PKIB: variants seen among roughly 807,000 people sequenced by gnomAD.
The protein encoded by PKIB is PKI-beta.
Under a neutral mutation model 4.5 loss-of-function variants are expected in PKIB, and 2 were observed. The ratio of observed to expected loss-of-function variants is 0.44; its 90% CI spans 0.18 to 1.39. The LOEUF (loss-of-function observed/expected upper bound fraction) is 1.39. Ranked by LOEUF, PKIB falls within the 40% of genes most tolerant of loss-of-function variation. PKIB has a pLI of 0.27. For missense variants in PKIB, 94 were observed against 92.6 expected (o/e 1.02, Z -0.06); for synonymous variants, 38 against 36.0 (o/e 1.06, Z -0.20).
rs775556782 is a variant in PKIB at position 122,717,972 on chromosome 6, C to A, written c.169+9C>A. On this transcript the variant is annotated intron_variant, in intron 4 of 4. Transcript: ENST00000368452. ...TCTCTCCGTGAAGGAAGGTAATACTCAAAATCCTCTTACAATTAACAGCAC... is the reference window on the plus strand; with the variant it reads ...TCTCTCCGTGAAGGAAGGTAATACTAAAAATCCTCTTACAATTAACAGCAC... The A allele has an allele frequency of 3.1e-6, 5 of 1,608,222 alleles. No individual in the cohort carries two copies. Among genetic ancestry groups the A allele is most frequent in the African/African-American group, 2.7e-5 (2 of 74,814 alleles).
chr6:122,653,612 T>A (rs1446648035), intron 2 of PKIB, among the ~76,000 whole-genome samples: 3 of 151,390 alleles, frequency 2.0e-5, no homozygotes, highest in African/African-American at 7.3e-5. Flanking sequence ...ACTCAATGCA[T>A]TTTCTTTAAT....
intron 2 of PKIB, among the ~76,000 whole-genome samples, chr6:122,647,271 G>A (rs1776359746): frequency 6.6e-6 from 1 of 152,134 alleles, no homozygotes; most frequent in African/African-American, 2.4e-5. Context: ...AAGATATTGA[G>A]GATAATCTTC....
chr6:122,717,229 G>A (rs1335305691), intron 3 of PKIB, among the ~76,000 whole-genome samples: 1 of 151,976 alleles, frequency 6.6e-6, no homozygotes. Flanking sequence ...CCATTACCAT[G>A]AGTCTATCGA....
chr6:122,639,952 A>G (rs1420267590), intron 2 of PKIB, among the ~76,000 whole-genome samples: 2 of 152,140 alleles, frequency 1.3e-5, no homozygotes, highest in African/African-American at 2.4e-5. Context: ...AGACAATACA[A>G]TAAGGGACTA....
Position 122,699,281 on chromosome 6 carries a change from T to TAAAA in PKIB, c.-8-18505_-8-18502dup, listed in dbSNP as rs58796900. Among the ~76,000 whole-genome samples, 606 of 150,542 alleles carry TAAAA rather than the reference T, an allele frequency of 4.0e-3. 14 individuals are homozygous for TAAAA. In the East Asian group the frequency reaches 0.051, roughly 13 times the overall value. The stretch of plus-strand genomic sequence containing the variant: ...AAAAAAAAGAATTGCATTTGTGAAC[T>TAAAA]AAAATATATATATATATATTGTGTC... On this transcript the variant is annotated intron_variant, in intron 3 of 4. Transcript: ENST00000368452.
In PKIB at chr6:122,717,870, C is replaced by T. The variant is rs767511320; in HGVS notation, c.76C>T (p.Arg26Cys). The change falls in exon 4 of 5, where the codon CGC becomes TGC. Residue 26 changes from arginine to cysteine, a missense_variant. Physicochemically the swap from Arg to Cys is radical, Grantham distance 180. Coordinates refer to ENST00000368452, the MANE Select transcript of PKIB (RefSeq NM_181795.3). ...TTTTGCATCTTCAGCAAGGGCAGGC[C>T]GCCGGAATGCCTTACCAGACATCCA... is the stretch of plus-strand genomic sequence containing the variant. ...ANFASSARAG[R>C]RNALPDIQSS... 9 of 1,613,932 alleles carry T rather than the reference C, an allele frequency of 5.6e-6. No individual in the cohort carries two copies. The highest frequency in any genetic ancestry group is 3.3e-5 in the South Asian group (3 of 91,086).
chr6:122,671,938 C>G (rs1003857181), intron 2 of PKIB, among the ~76,000 whole-genome samples: 1 of 151,918 alleles, frequency 6.6e-6, no homozygotes, highest in African/African-American at 2.4e-5. Flanking sequence ...TTTACCAAAC[C>G]CTAGTACCAA....
chr6:122,672,730 A>G (rs187144490), intron 2 of PKIB, among the ~76,000 whole-genome samples: 158 of 151,750 alleles, frequency 1.0e-3, no homozygotes, highest in Middle Eastern at 6.8e-3. Context: ...ATATATAATA[A>G]TAATATAGCA....
intron 2 of PKIB, among the ~76,000 whole-genome samples, chr6:122,574,721 C>T (rs1582708029): frequency 6.6e-6 from 1 of 152,080 alleles, no homozygotes; most frequent in Admixed American, 6.6e-5. Flanking sequence ...ACTAGATCCT[C>T]ATCTCTCACC....
At chr6:122,510,666 G>A (rs1776557334) in intron 2 of PKIB, among the ~76,000 whole-genome samples, 2 of 152,090 alleles carry the variant, frequency 1.3e-5, no homozygotes, top group Non-Finnish European at 2.9e-5. Context: ...AAATACTGGG[G>A]AATTTCAAGG....
chr6:122,517,453 TTC>T (rs1163650730), intron 2 of PKIB, among the ~76,000 whole-genome samples: 1 of 152,220 alleles, frequency 6.6e-6, no homozygotes, highest in Non-Finnish European at 1.5e-5. Context: ...CACCTTTGCC[TTC>T]TAAAAAGATG....
At chr6:122,478,149 T>A (rs1775500465) in intron 2 of PKIB, 1 of 152,018 alleles carries the variant, frequency 6.6e-6, no homozygotes, top group Non-Finnish European at 1.5e-5. Flanking sequence ...CCATTATTGC[T>A]TATGGGTCTG....
intron 2 of PKIB, among the ~76,000 whole-genome samples, chr6:122,511,201 G>GT (rs904484604): frequency 1.3e-5 from 2 of 152,038 alleles, no homozygotes; most frequent in Non-Finnish European, 2.9e-5. Context: ...TTTTCTATTT[G>GT]TTTTTTAAGG....
In PKIB at chr6:122,626,058, G is replaced by T. The variant is rs184622991; in HGVS notation, c.-160-7225G>T. On this transcript the variant is annotated intron_variant, in intron 1 of 4. Coordinates refer to ENST00000368452, the MANE Select transcript of PKIB (RefSeq NM_181795.3). The stretch of plus-strand genomic sequence containing the variant: ...CACTTCAGCCTGGGTGACAGAGAGA[G>T]ATCCAATTTCAAAATATAGATAGAT... Among the ~76,000 whole-genome samples, 13 of 149,642 alleles carry T rather than the reference G, an allele frequency of 8.7e-5. No individual in the cohort carries two copies. In the East Asian group the frequency reaches 1.8e-3, roughly 21 times the overall value.
At chr6:122,539,043 C>T (rs1181706150) in intron 2 of PKIB, among the ~76,000 whole-genome samples, 1 of 152,056 alleles carries the variant, frequency 6.6e-6, no homozygotes. Context: ...TATCCTGAGA[C>T]TTTGCTGAAG....
chr6:122,577,261 C>T (rs1405395111), intron 2 of PKIB, among the ~76,000 whole-genome samples: 1 of 152,108 alleles, frequency 6.6e-6, no homozygotes, highest in Non-Finnish European at 1.5e-5. Flanking sequence ...ACCTGACCTA[C>T]ATTACTTTTA....
chr6:122,723,016 G>A lies in PKIB; in HGVS notation c.170-2112G>A, dbSNP rs1181290837. On this transcript the variant is annotated intron_variant, in intron 4 of 4. Coordinates refer to ENST00000368452, the MANE Select transcript of PKIB (RefSeq NM_181795.3). ...GATGATTGTCACTCTTTCCTGTAAC[G>A]TTTCTCTTCCCTTGGCTTTCCGGAC... Among the ~76,000 whole-genome samples the A allele has an allele frequency of 5.3e-5, 8 of 152,066 alleles. No homozygotes were observed. In the South Asian group the frequency reaches 6.2e-4, roughly 12 times the overall value.
At chr6:122,540,657 G>T (rs2114635291) in intron 2 of PKIB, among the ~76,000 whole-genome samples, 1 of 152,154 alleles carries the variant, frequency 6.6e-6, no homozygotes, top group Non-Finnish European at 1.5e-5. Context: ...TGTATATTCT[G>T]TTGATTTGGG....
chr6:122,684,944 T>C (rs1265766519), intron 3 of PKIB, among the ~76,000 whole-genome samples: 1 of 152,194 alleles, frequency 6.6e-6, no homozygotes, highest in Non-Finnish European at 1.5e-5. Context: ...GTCTCTTATG[T>C]AAAATGTACA....
Sources: allele counts gnomAD v4.1 joint callset (sites outside exome capture counted in the v4.1 genomes callset), GRCh38; gene constraint gnomAD v4.1.1; transcripts MANE v1.5; gene names NCBI Gene and HGNC (gene_info 2026-07-23, HGNC 2026-07-21).